Variants in TMCC1 observed in about 807,000 individuals in gnomAD.
TMCC1 encodes transmembrane and coiled-coil domain family 1, also known as transmembrane and coiled-coil domains protein 1.
Under a neutral mutation model 52.4 loss-of-function variants are expected in TMCC1, and 15 were observed. The ratio of observed to expected loss-of-function variants is 0.29; its 90% CI spans 0.19 to 0.44. The LOEUF (loss-of-function observed/expected upper bound fraction) is 0.44. Among genes scored for constraint, TMCC1 ranks in the 20% least tolerant of loss-of-function variants. The pLI, the probability that TMCC1 is intolerant of heterozygous loss-of-function variation, is 1.00. For synonymous variants in TMCC1, 279 were observed against 301.9 expected (o/e 0.92, Z 0.79); for missense variants, 503 against 806.0 (o/e 0.62, Z 4.55).
intron 4 of TMCC1, among the ~76,000 whole-genome samples, chr3:129,747,556 G>A (rs1195210068): frequency 6.6e-6 from 1 of 151,598 alleles, no homozygotes; most frequent in African/African-American, 2.4e-5. Context: ...TCCATATTTG[G>A]AACTCTCTTA....
chr3:129,782,381 G>C (rs2055605087), intron 4 of TMCC1, among the ~76,000 whole-genome samples: 1 of 152,126 alleles, frequency 6.6e-6, no homozygotes, highest in South Asian at 2.1e-4. Flanking sequence ...TGGAAGGCAA[G>C]TGAATAAAGT....
intron 4 of TMCC1, among the ~76,000 whole-genome samples, chr3:129,810,389 T>C (rs1411820202): frequency 6.6e-6 from 1 of 151,906 alleles, no homozygotes; most frequent in Non-Finnish European, 1.5e-5. Flanking sequence ...TCAAGAGACA[T>C]ATATCACATA....
At chr3:129,797,128 A>G (rs1301852655) in intron 4 of TMCC1, among the ~76,000 whole-genome samples, 1 of 152,014 alleles carries the variant, frequency 6.6e-6, no homozygotes, top group Non-Finnish European at 1.5e-5. Context: ...GATCGAGACC[A>G]TCCTGGCTAA....
intron 4 of TMCC1, among the ~76,000 whole-genome samples, chr3:129,780,424 C>A (rs2055425692): frequency 6.6e-6 from 1 of 151,958 alleles, no homozygotes; most frequent in Admixed American, 6.6e-5. Context: ...ACCACCTCCA[C>A]CCCTCCACCC....
At chr3:129,674,538 A>T (rs1324229871) in intron 4 of TMCC1, among the ~76,000 whole-genome samples, 1 of 152,172 alleles carries the variant, frequency 6.6e-6, no homozygotes, top group South Asian at 2.1e-4. Flanking sequence ...AGTGAAAGAA[A>T]GGGAAGGAGA....
chr3:129,825,376 T>C (rs915610626), intron 4 of TMCC1, among the ~76,000 whole-genome samples: 45 of 152,182 alleles, frequency 3.0e-4, no homozygotes, highest in Non-Finnish European at 8.8e-5. Flanking sequence ...CTTCCCTCAT[T>C]GCAGCCTAAT....
At chr3:129,804,573 G>T (rs924031912) in intron 4 of TMCC1, among the ~76,000 whole-genome samples, 2 of 152,160 alleles carry the variant, frequency 1.3e-5, no homozygotes, top group Non-Finnish European at 2.9e-5. Flanking sequence ...ATTATACACA[G>T]AGTAAACTAA....
intron 5 of TMCC1, among the ~76,000 whole-genome samples, chr3:129,662,645 A>G (rs1312048130): frequency 6.6e-6 from 1 of 152,154 alleles, no homozygotes; most frequent in Non-Finnish European, 1.5e-5. Context: ...CAAAAAAACA[A>G]AACAAAACAA....
At chr3:129,729,743 C>G (rs1459030549) in intron 4 of TMCC1, among the ~76,000 whole-genome samples, 1 of 152,116 alleles carries the variant, frequency 6.6e-6, no homozygotes, top group Non-Finnish European at 1.5e-5. Context: ...TTAGCCTAAC[C>G]TACCTTAAAT....
intron 4 of TMCC1, among the ~76,000 whole-genome samples, chr3:129,735,357 A>G (rs1161838710): frequency 6.6e-6 from 1 of 152,164 alleles, no homozygotes; most frequent in Non-Finnish European, 1.5e-5. Context: ...TAAGCAAGCT[A>G]AAAGGGGCCA....
At chr3:129,770,641 T>C (rs529247959) in intron 4 of TMCC1, among the ~76,000 whole-genome samples, 95 of 151,888 alleles carry the variant, frequency 6.3e-4, no homozygotes, top group Admixed American at 1.7e-3. Context: ...TGAAATAAAA[T>C]AAAATAAAAT....
At chr3:129,707,705 G>A (rs6806270) in intron 4 of TMCC1, among the ~76,000 whole-genome samples, 14,854 of 152,076 alleles carry the variant, frequency 0.098, 844 homozygotes, top group African/African-American at 0.16. Flanking sequence ...AGGCCGAGGC[G>A]GGCGGATCGT....
At chr3:129,786,537 C>T (rs2056050237) in intron 4 of TMCC1, among the ~76,000 whole-genome samples, 2 of 152,172 alleles carry the variant, frequency 1.3e-5, no homozygotes, top group South Asian at 4.1e-4. Flanking sequence ...CTAGGTCCAG[C>T]TAAAATCCTA....
At position 129,891,411 on chromosome 3, in the gene TMCC1, G is replaced by A. The variant is rs1204152740; in HGVS notation, c.-435+2083C>T. Reference sequence around the variant, plus strand: ...ATTCTGTGACATGTGAAAATTTTATGAAATTCAAATTTCAGTGTCCCAAGT... The same window carrying A: ...ATTCTGTGACATGTGAAAATTTTATAAAATTCAAATTTCAGTGTCCCAAGT... On this transcript the variant is annotated intron_variant, in intron 1 of 6. Transcript: ENST00000393238. 2.0e-5 allele frequency among the ~76,000 whole-genome samples: 3 copies of A among 152,268 alleles called. No homozygotes were observed. The East Asian group carries it at 5.8e-4, about 29-fold the overall frequency.
chr3:129,782,947 C>G (rs1015483129), intron 4 of TMCC1, among the ~76,000 whole-genome samples: 4 of 152,144 alleles, frequency 2.6e-5, no homozygotes, highest in African/African-American at 9.7e-5. Flanking sequence ...AGAATGGAGA[C>G]TTTCATATAG....
intron 2 of TMCC1, among the ~76,000 whole-genome samples, chr3:129,864,649 A>G (rs2060541131): frequency 6.6e-6 from 1 of 152,180 alleles, no homozygotes; most frequent in Non-Finnish European, 1.5e-5. Flanking sequence ...ATCAGCCTGT[A>G]GGAGAATCAT....
intron 4 of TMCC1, chr3:129,688,083 G>T: frequency 2.2e-6 from 2 of 926,396 alleles, no homozygotes; most frequent in Non-Finnish European, 2.6e-6. Flanking sequence ...ACATGATTTT[G>T]CAAAATGTTT....
intron 2 of TMCC1, among the ~76,000 whole-genome samples, chr3:129,873,630 C>T (rs941734441): frequency 7.9e-5 from 12 of 152,090 alleles, no homozygotes; most frequent in East Asian, 1.9e-4. Flanking sequence ...CAGTTAGCTA[C>T]GATCACACGC....
At chr3:129,745,569 C>G (rs72985340) in intron 4 of TMCC1, among the ~76,000 whole-genome samples, 3 of 152,354 alleles carry the variant, frequency 2.0e-5, no homozygotes, top group African/African-American at 7.2e-5. Context: ...ATCTTAGCCA[C>G]TCTTTCTCCA....
Sources: gnomAD v4.1 joint callset for allele counts (sites outside exome capture counted in the v4.1 genomes callset) on GRCh38, gnomAD v4.1.1 for gene constraint, MANE v1.5 for transcripts, NCBI Gene and HGNC (gene_info 2026-07-23, HGNC 2026-07-21) for gene names.